The following MTBP variants were observed in gnomAD, a reference collection of about 807,000 sequenced individuals.
MTBP encodes the protein mdm2-binding protein.
MTBP carries 101 observed loss-of-function variants against 117.0 expected under a neutral mutation model. The ratio of observed to expected loss-of-function variants is 0.86; its 90% CI spans 0.73 to 1.02. MTBP has a LOEUF of 1.02. Among genes scored for constraint, MTBP ranks in the 50% least tolerant of loss-of-function variants. MTBP has a pLI of 0.00. For synonymous variants in MTBP, 350 were observed against 351.5 expected (o/e 1.00, Z 0.05); for missense variants, 970 against 1,030.9 (o/e 0.94, Z 0.81).
intron 11 of MTBP, among the ~76,000 whole-genome samples, chr8:120,478,308 T>C (rs1813992628): frequency 2.0e-5 from 3 of 151,866 alleles, no homozygotes; most frequent in Admixed American, 6.6e-5. Flanking sequence ...ATGTAGATGG[T>C]TTGATGGGTG....
intron 11 of MTBP, among the ~76,000 whole-genome samples, chr8:120,476,568 CA>C (rs776147082): frequency 3.9e-5 from 6 of 152,066 alleles, no homozygotes; most frequent in Non-Finnish European, 7.4e-5. Flanking sequence ...TCTCAAGATA[CA>C]AAATCAATGT....
intron 16 of MTBP, among the ~76,000 whole-genome samples, chr8:120,509,532 G>A (rs142379170): frequency 0.014 from 2,075 of 152,162 alleles, 42 homozygotes; most frequent in African/African-American, 0.046. Flanking sequence ...AACCTGGGAG[G>A]CAGAAGTTGC....
chr8:120,450,578 T>C (rs999874479), intron 2 of MTBP, among the ~76,000 whole-genome samples: 14 of 152,186 alleles, frequency 9.2e-5, no homozygotes, highest in Admixed American at 6.5e-4. Context: ...GTTTGCTCTT[T>C]AACGCCTCTG....
At chr8:120,490,605 A>G (rs373075036) in intron 13 of MTBP, 35 bp downstream of exon 13, 456 of 1,388,224 alleles carry the variant, frequency 3.3e-4, no homozygotes, top group Non-Finnish European at 4.4e-4. Context: ...TCCTACCCTA[A>G]AAATGTTGAC....
At chr8:120,481,888 T>C (rs550904707) in intron 11 of MTBP, among the ~76,000 whole-genome samples, 17 of 152,168 alleles carry the variant, frequency 1.1e-4, no homozygotes, top group Non-Finnish European at 2.2e-4. Context: ...CTCTCTAGTT[T>C]AATGATTCTT....
chr8:120,521,627 C>T (rs1445851919), intron 20 of MTBP, among the ~76,000 whole-genome samples: 1 of 152,114 alleles, frequency 6.6e-6, no homozygotes, highest in African/African-American at 2.4e-5. Flanking sequence ...CTTTATGGAG[C>T]GTAACTTGGA....
intron 11 of MTBP, among the ~76,000 whole-genome samples, chr8:120,485,482 T>C (rs973765210): frequency 6.6e-6 from 1 of 152,192 alleles, no homozygotes; most frequent in African/African-American, 2.4e-5. Context: ...TTTTATTTTA[T>C]ATCTTTTCAT....
rs61753798 is a variant in MTBP, at chr8:120,517,852, C to T, written c.2248C>T (p.Leu750Phe). ...DLNCLYPRKRLVKSESSESLL... is the reference protein window; with the variant it reads ...DLNCLYPRKRFVKSESSESLL... ...TGATTTTTTTCCCCTGCTATATAGACTTGTGAAATCTGAAAGTTCAGAGTC... is the reference window on the plus strand; with the variant it reads ...TGATTTTTTTCCCCTGCTATATAGATTTGTGAAATCTGAAAGTTCAGAGTC... Residue 750 changes from leucine to phenylalanine, a missense_variant and splice_region_variant, in exon 19 of 22, where the codon CTT (leucine) becomes TTT (phenylalanine). Coordinates refer to ENST00000305949, the MANE Select transcript of MTBP (RefSeq NM_022045.5). The T allele has an allele frequency of 9.5e-3, 15,234 of 1,609,318 alleles. 106 individuals carry two copies. The highest frequency in any genetic ancestry group is 0.013 in the South Asian group (1,191 of 90,760).
rs952636052 is a variant in MTBP, at chr8:120,485,100, A to T, written c.1166-3059A>T. Among the ~76,000 whole-genome samples, 36 of 152,304 alleles carry T rather than the reference A, an allele frequency of 2.4e-4. 1 individual carries two copies. The highest frequency in any genetic ancestry group is 8.7e-4 in the African/African-American group (36 of 41,566). ...TTTGGGATGTTGACACTTTTAGGCTATTATGAATAATGCTGCTCTGAATAT... is the reference window on the plus strand; with the variant it reads ...TTTGGGATGTTGACACTTTTAGGCTTTTATGAATAATGCTGCTCTGAATAT... On this transcript the variant is annotated intron_variant, in intron 11 of 21. Coordinates refer to ENST00000305949, the MANE Select transcript of MTBP (RefSeq NM_022045.5).
intron 11 of MTBP, among the ~76,000 whole-genome samples, chr8:120,487,095 T>TTA (rs1484969754): frequency 2.0e-5 from 3 of 152,180 alleles, no homozygotes; most frequent in Non-Finnish European, 4.4e-5. Flanking sequence ...TAACTCTGCC[T>TTA]TATATATCTC....
intron 11 of MTBP, among the ~76,000 whole-genome samples, chr8:120,487,877 T>C (rs1814251438): frequency 1.3e-5 from 2 of 152,236 alleles, no homozygotes; most frequent in Non-Finnish European, 2.9e-5. Flanking sequence ...ATTGATGTGG[T>C]TATTTAAGAA....
chr8:120,460,822 A>G (rs768371509), intron 8 of MTBP, among the ~76,000 whole-genome samples: 2 of 152,046 alleles, frequency 1.3e-5, no homozygotes, highest in South Asian at 2.1e-4. Flanking sequence ...TGTTTCTTCA[A>G]CACTATAGCC....
intron 21 of MTBP, among the ~76,000 whole-genome samples, chr8:120,523,030 C>T (rs1174017865): frequency 6.6e-6 from 1 of 152,054 alleles, no homozygotes; most frequent in Non-Finnish European, 1.5e-5. Flanking sequence ...TTTGATTGAC[C>T]ATTTGAAACA....
chr8:120,523,327 C>A lies in MTBP; in HGVS notation c.2706C>A (p.Ser902Arg). 1 of 1,548,674 alleles carries A rather than the reference C, an allele frequency of 6.5e-7. No individual in the cohort carries two copies. Among genetic ancestry groups the A allele is most frequent in the Non-Finnish European group, 8.8e-7 (1 of 1,138,126 alleles). ...TTGACTGGGTATTAGAAAAGACAAG[C>A]AAGAAATGATACATAATCATTCTCT... ...QVIDWVLEKT[S>R]KK The change falls in exon 22 of 22, where the codon AGC (serine) becomes AGA (arginine). Residue 902 changes from serine to arginine, a missense_variant. Transcript: ENST00000305949.
chr8:120,475,558 T>C (rs1465252581), intron 11 of MTBP, among the ~76,000 whole-genome samples: 1 of 151,960 alleles, frequency 6.6e-6, no homozygotes, highest in African/African-American at 2.4e-5. Flanking sequence ...AAATTGTTAC[T>C]TATCAGCAAT....
chr8:120,491,859 A>G (rs1312717502), intron 13 of MTBP, among the ~76,000 whole-genome samples: 1 of 152,182 alleles, frequency 6.6e-6, no homozygotes, highest in African/African-American at 2.4e-5. Context: ...TCTTTGTGAA[A>G]GGAGAAGACT....
chr8:120,512,303 C>T (rs1181766825), intron 17 of MTBP, among the ~76,000 whole-genome samples: 3 of 152,124 alleles, frequency 2.0e-5, no homozygotes, highest in Non-Finnish European at 2.9e-5. Context: ...CACTGAAGCA[C>T]TGATTTGAAT....
At position 120,502,574 on chromosome 8, in the gene MTBP, T is replaced by A; in HGVS notation, c.1692T>A (p.Asn564Lys). ...GGCCAGAAAGGCATGTTCTTCAAAA[T>A]TTGGAAACTTTTGAAAAAACTAAAC... ...LEWPERHVLQNLETFEKTKQK... is the reference protein window; with the variant it reads ...LEWPERHVLQKLETFEKTKQK... Residue 564 changes from asparagine (N) to lysine (K), a missense_variant, in exon 15 of 22, where the codon AAT becomes AAA. Asn to Lys is a moderately conservative substitution (Grantham distance 94). Transcript: ENST00000305949. The A allele has an allele frequency of 1.2e-6, 2 of 1,603,420 alleles. No individual in the cohort carries two copies. The highest frequency in any genetic ancestry group is 1.7e-6 in the Non-Finnish European group (2 of 1,175,286).
intron 11 of MTBP, among the ~76,000 whole-genome samples, chr8:120,487,413 T>C (rs1001686838): frequency 1.3e-5 from 2 of 152,246 alleles, no homozygotes; most frequent in South Asian, 2.1e-4. Flanking sequence ...AAATTTTAGT[T>C]GTCGTTGTCT....
Sources: allele counts gnomAD v4.1 joint callset (sites outside exome capture counted in the v4.1 genomes callset), GRCh38; gene constraint gnomAD v4.1.1; transcripts MANE v1.5; gene names NCBI Gene and HGNC (gene_info 2026-07-23, HGNC 2026-07-21).